Variants in CCDC148 observed in about 807,000 individuals in gnomAD.
CCDC148 encodes coiled-coil domain containing 148, also known as coiled-coil domain-containing protein 148.
Under a neutral mutation model 85.7 loss-of-function variants are expected in CCDC148, and 89 were observed. The observed-to-expected ratio is 1.04, with a 90% CI of 0.87 to 1.24. The LOEUF (loss-of-function observed/expected upper bound fraction) is 1.24, where lower values mean the gene tolerates loss of function less well. Among genes scored for constraint, CCDC148 ranks in the 50% most tolerant of loss-of-function variants. The probability of loss-of-function intolerance (pLI) is 0.00; values close to 1 mark genes in which losing one functional copy is unlikely to be tolerated. For missense variants in CCDC148, 692 were observed against 671.7 expected, an observed-to-expected ratio of 1.03 and a Z score of -0.33; for synonymous variants, 230 against 213.9, an observed-to-expected ratio of 1.08 and a Z score of -0.66.
intron 1 of CCDC148, among the ~76,000 whole-genome samples, chr2:158,401,667 C>A (rs144432246): frequency 2.7e-3 from 412 of 151,866 alleles, no homozygotes; most frequent in African/African-American, 9.3e-3. Flanking sequence ...ATTGTGCTCA[C>A]GTACCCTAGA....
At chr2:158,186,411 T>C (rs1358305603) in intron 11 of CCDC148, among the ~76,000 whole-genome samples, 2 of 152,084 alleles carry the variant, frequency 1.3e-5, no homozygotes, top group Admixed American at 6.6e-5. Flanking sequence ...GGCTGTATGC[T>C]GCACAAGTCT....
chr2:158,172,255 AT>A lies in CCDC148; in HGVS notation c.1633del (p.Ile545PhefsTer10). 6.3e-7 allele frequency: 1 copy of A among 1,595,180 alleles called. No homozygotes were observed. Among genetic ancestry groups the A allele is most frequent in the Non-Finnish European group, 8.5e-7 (1 of 1,170,968 alleles). On this transcript the variant is annotated frameshift_variant, in exon 14 of 14. Coordinates refer to ENST00000283233, the MANE Select transcript of CCDC148 (RefSeq NM_138803.4). LOFTEE classifies it high-confidence loss of function. ...TLNTYNEQQI[I>X]SDPRLRFELA... The stretch of plus-strand genomic sequence containing the variant: ...CTCGAAGCGAAGTCTAGGGTCAGAA[AT>A]TATCTGTAGAAATAAAAATACAATT...
At chr2:158,187,587 A>C (rs1296123498) in intron 11 of CCDC148, among the ~76,000 whole-genome samples, 2 of 151,992 alleles carry the variant, frequency 1.3e-5, no homozygotes, top group South Asian at 4.2e-4. Context: ...CAAAATTGCA[A>C]ACTCAGAGCC....
At chr2:158,232,586 C>A (rs1687905810) in intron 10 of CCDC148, among the ~76,000 whole-genome samples, 1 of 152,108 alleles carries the variant, frequency 6.6e-6, no homozygotes, top group Non-Finnish European at 1.5e-5. Context: ...AATAGTTTGT[C>A]TCTTATTTCA....
chr2:158,277,866 T>C (rs888496383), intron 9 of CCDC148, among the ~76,000 whole-genome samples: 2 of 152,022 alleles, frequency 1.3e-5, no homozygotes, highest in African/African-American at 2.4e-5. Flanking sequence ...AAAGGAGTTA[T>C]GTTTTTTATT....
chr2:158,395,326 C>A (rs1370117525), intron 1 of CCDC148, among the ~76,000 whole-genome samples: 1 of 152,048 alleles, frequency 6.6e-6, no homozygotes, highest in East Asian at 1.9e-4. Context: ...ATCAATGACA[C>A]ATATTTCTGA....
intron 10 of CCDC148, 36 bp downstream of exon 10, chr2:158,250,736 T>A (rs1460789260): frequency 8.0e-6 from 12 of 1,507,452 alleles, no homozygotes; most frequent in Non-Finnish European, 9.7e-6. Flanking sequence ...CATTAAGCAT[T>A]CATTCACACA....
chr2:158,373,429 T>G (rs899481908), intron 1 of CCDC148, among the ~76,000 whole-genome samples: 14 of 152,150 alleles, frequency 9.2e-5, no homozygotes, highest in African/African-American at 3.1e-4. Context: ...CTCTTTGATA[T>G]CTCTCTCATT....
At chr2:158,186,070 G>A (rs1305544811) in intron 11 of CCDC148, among the ~76,000 whole-genome samples, 1 of 151,822 alleles carries the variant, frequency 6.6e-6, no homozygotes, top group African/African-American at 2.4e-5. Flanking sequence ...AAAATAGAGG[G>A]TACCTGCAGA....
chr2:158,227,558 A>G (rs1464282280), intron 10 of CCDC148, among the ~76,000 whole-genome samples: 4 of 152,182 alleles, frequency 2.6e-5, no homozygotes, highest in Admixed American at 2.0e-4. Flanking sequence ...TTCAAACTAT[A>G]CTACAAGGCT....
At chr2:158,332,276 A>G (rs1018929447) in intron 7 of CCDC148, among the ~76,000 whole-genome samples, 23 of 151,504 alleles carry the variant, frequency 1.5e-4, no homozygotes, top group Admixed American at 5.9e-4. Flanking sequence ...AGCTTAGTTT[A>G]GCTGGATATG....
At chr2:158,434,741 C>T (rs1488492566) in intron 1 of CCDC148, among the ~76,000 whole-genome samples, 6 of 152,110 alleles carry the variant, frequency 3.9e-5, no homozygotes, top group African/African-American at 7.2e-5. Flanking sequence ...AAAGATGAGA[C>T]GAATGGCTAA....
intron 1 of CCDC148, among the ~76,000 whole-genome samples, chr2:158,364,977 C>A (rs1375382999): frequency 6.6e-6 from 1 of 151,920 alleles, no homozygotes; most frequent in Non-Finnish European, 1.5e-5. Flanking sequence ...AAAAAACAAC[C>A]CCATCAAAAA....
At chr2:158,360,449 C>T (rs1683886397) in intron 1 of CCDC148, among the ~76,000 whole-genome samples, 1 of 152,176 alleles carries the variant, frequency 6.6e-6, no homozygotes, top group East Asian at 1.9e-4. Flanking sequence ...TGGGTGGCCC[C>T]TCTGGGACAA....
intron 1 of CCDC148, among the ~76,000 whole-genome samples, chr2:158,431,348 G>A (rs1006161685): frequency 2.6e-5 from 4 of 151,752 alleles, no homozygotes; most frequent in African/African-American, 4.8e-5. Flanking sequence ...TGATGGGGTC[G>A]AGAAGGGAGA....
intron 10 of CCDC148, among the ~76,000 whole-genome samples, chr2:158,222,790 T>C (rs954441283): frequency 6.6e-6 from 1 of 152,172 alleles, no homozygotes; most frequent in Non-Finnish European, 1.5e-5. Flanking sequence ...CATGTGTAAA[T>C]TTCCAAGTCA....
At chr2:158,197,889 G>GCAATTAATTCTAATGAATTAAT (rs58320855) in intron 11 of CCDC148, among the ~76,000 whole-genome samples, 51 of 151,894 alleles carry the variant, frequency 3.4e-4, no homozygotes, top group African/African-American at 5.1e-4. Flanking sequence ...ACTGGTTAAT[G>GCAATTAATTCTAATGAATTAAT]CAATTAATTC....
chr2:158,338,868 T>A lies in CCDC148; in HGVS notation c.622A>T (p.Ser208Cys). 1 of 1,610,246 alleles carries A rather than the reference T, an allele frequency of 6.2e-7. No individual in the cohort carries two copies. Among genetic ancestry groups the A allele is most frequent in the Non-Finnish European group, 8.5e-7 (1 of 1,179,148 alleles). Residue 208 changes from serine (S) to cysteine (C), a missense_variant, in exon 7 of 14, where the codon AGT (serine) becomes TGT (cysteine). By Grantham distance (112) the Ser-to-Cys change is moderately radical. Transcript: ENST00000283233. The part of the protein sequence containing the change: ...HSLEEKTNPL[S>C]ELPIELESLE... ...CTTTCTAATTCAATGGGCAGTTCAC[T>A]AAGCGGGTTAGTCTTTTCTTCCAAA...
intron 9 of CCDC148, among the ~76,000 whole-genome samples, chr2:158,275,554 A>C (rs1181479038): frequency 6.6e-6 from 1 of 152,184 alleles, no homozygotes; most frequent in Non-Finnish European, 1.5e-5. Flanking sequence ...ATATGAACAA[A>C]GAGGCCTAAC....
Sources: allele counts gnomAD v4.1 joint callset (sites outside exome capture counted in the v4.1 genomes callset), GRCh38; gene constraint gnomAD v4.1.1; transcripts MANE v1.5; gene names NCBI Gene and HGNC (gene_info 2026-07-23, HGNC 2026-07-21).